NXPE3: variants seen among roughly 807,000 people sequenced by gnomAD.
The protein encoded by NXPE3 is neurexophilin and PC-esterase domain family member 3.
In NXPE3, 26 loss-of-function variants were observed where a neutral mutation model predicts 46.1. The ratio of observed to expected loss-of-function variants is 0.56; its 90% CI spans 0.41 to 0.78. NXPE3 has a LOEUF of 0.78. NXPE3 is among the 30% of genes least tolerant of loss of function. The pLI is 0.00. For synonymous variants in NXPE3, 272 were observed against 257.9 expected, an observed-to-expected ratio of 1.05 and a Z score of -0.52; for missense variants, 620 against 686.0, an observed-to-expected ratio of 0.90 and a Z score of 1.07.
rs781022980 is a variant in NXPE3, at chr3:101,801,962, C to A, written c.821C>A (p.Thr274Asn). ...FKGGYLKGLL[T>N]AAESAFFQSG... is the part of the protein sequence containing the mutation. ...GGTGGATACCTGAAAGGTCTCCTAA[C>A]CGCTGCAGAGAGTGCTTTCTTCCAG... The change falls in exon 5 of 8, where the codon ACC (threonine) becomes AAC (asparagine). Residue 274 changes from threonine (T) to asparagine (N), a missense_variant. Coordinates refer to ENST00000273347, the MANE Select transcript of NXPE3 (RefSeq NM_145037.4). 1 of 1,611,372 alleles carries A rather than the reference C, an allele frequency of 6.2e-7. No individual in the cohort carries two copies.
rs908927032 is a variant in NXPE3, at chr3:101,801,830, C to G, written c.689C>G (p.Pro230Arg). 2 of 1,614,054 alleles carry G rather than the reference C, an allele frequency of 1.2e-6. No homozygotes were observed. The highest frequency in any genetic ancestry group is 1.7e-6 in the Non-Finnish European group (2 of 1,180,032). ...ACTACTGAGTGCAACGTGTGTCTTC[C>G]TGGGAATCTGCCCCTGTGTAACTTT... The part of the protein sequence containing the change: ...SETTECNVCL[P>R]GNLPLCNFTD... Residue 230 changes from proline (P) to arginine (R), a missense_variant, in exon 5 of 8, where the codon CCT becomes CGT. Transcript: ENST00000273347.
intron 3 of NXPE3, 68 bp downstream of exon 3, chr3:101,782,848 A>G (rs540710616): frequency 4.6e-5 from 7 of 152,190 alleles, no homozygotes; most frequent in East Asian, 3.9e-4. Flanking sequence ...GGGTCTCACT[A>G]TCTTGCCTCA....
intron 6 of NXPE3, among the ~76,000 whole-genome samples, chr3:101,814,146 T>A (rs1465565701): frequency 3.3e-5 from 5 of 152,212 alleles, no homozygotes; most frequent in African/African-American, 1.2e-4. Context: ...GAATTAACAG[T>A]GGTAAAAAAT....
At chr3:101,795,416 G>T (rs1940770876) in intron 4 of NXPE3, among the ~76,000 whole-genome samples, 1 of 151,892 alleles carries the variant, frequency 6.6e-6, no homozygotes, top group Non-Finnish European at 1.5e-5. Flanking sequence ...TACTCGGGAG[G>T]CTGAGACATG....
At chr3:101,789,617 A>G (rs1940388353) in intron 4 of NXPE3, among the ~76,000 whole-genome samples, 1 of 152,192 alleles carries the variant, frequency 6.6e-6, no homozygotes, top group Admixed American at 6.5e-5. Context: ...ACACATTTAG[A>G]TATTGTTCTC....
At position 101,808,818 on chromosome 3, in the gene NXPE3, GATATATATATATATATATAT is replaced by G. The variant is rs58006464; in HGVS notation, c.922+1711_922+1730del. Among the ~76,000 whole-genome samples the G allele has an allele frequency of 3.1e-3, 95 of 30,810 alleles. 5 individuals are homozygous for G. The East Asian group carries it at 0.059, about 19-fold the overall frequency. The allele number at this position is 30,810 out of a possible 152,430, so 20.2% of individuals were successfully genotyped here. On this transcript the variant is annotated intron_variant, in intron 6 of 7. Transcript: ENST00000273347. ...ACCAAATGAATTACTAATTTTAGAG[GATATATATATATATATATAT>G]ATATATATATATATATATGAGACAT...
At position 101,821,516 on chromosome 3, in the gene NXPE3, C is replaced by T. The variant is rs748471762; in HGVS notation, c.1242C>T (p.Phe414=). ...GCTGCCATGGTCCACCCATCCGCTT[C>T]ACGACTGTCTTTAGCAATGAGCTCC... ...KYRCHGPPIR[F]TTVFSNELHY... is the part of the protein sequence containing the mutation. The change falls in exon 8 of 8, where the codon TTC becomes TTT. Residue 414 remains phenylalanine, a synonymous_variant. Transcript: ENST00000273347. 1 of 1,614,206 alleles carries T rather than the reference C, an allele frequency of 6.2e-7. No homozygotes were observed. Among genetic ancestry groups the T allele is most frequent in the South Asian group, 1.1e-5 (1 of 91,074 alleles).
intron 6 of NXPE3, among the ~76,000 whole-genome samples, chr3:101,814,987 T>C (rs1421622628): frequency 6.6e-6 from 1 of 152,206 alleles, no homozygotes; most frequent in East Asian, 1.9e-4. Context: ...TAGGACCTAC[T>C]TCAAAGAGTT....
At chr3:101,811,141 T>C (rs1327247572) in intron 6 of NXPE3, among the ~76,000 whole-genome samples, 2 of 152,084 alleles carry the variant, frequency 1.3e-5, no homozygotes, top group Non-Finnish European at 1.5e-5. Context: ...TTTTGAAGGC[T>C]TTTCTCCAGA....
intron 6 of NXPE3, among the ~76,000 whole-genome samples, chr3:101,813,466 C>T (rs1941817503): frequency 6.6e-6 from 1 of 152,234 alleles, no homozygotes; most frequent in South Asian, 2.1e-4. Context: ...CCATCTTTGG[C>T]CCAGACAGCC....
chr3:101,808,889 AC>A (rs1941579682), intron 6 of NXPE3, among the ~76,000 whole-genome samples: 1 of 116,628 alleles, frequency 8.6e-6, no homozygotes, highest in Non-Finnish European at 1.8e-5. Flanking sequence ...TTGGGCCTCA[AC>A]CCTGAGGTCA....
chr3:101,788,436 C>T (rs571532806), intron 4 of NXPE3, among the ~76,000 whole-genome samples: 3 of 152,172 alleles, frequency 2.0e-5, no homozygotes, highest in South Asian at 4.1e-4. Context: ...GTGTCATATC[C>T]AAGAAATCAT....
chr3:101,799,721 G>T (rs1161518105), intron 4 of NXPE3, among the ~76,000 whole-genome samples: 1 of 152,166 alleles, frequency 6.6e-6, no homozygotes, highest in African/African-American at 2.4e-5. Flanking sequence ...ACCGCATCTG[G>T]CCTACTTCAT....
intron 7 of NXPE3, among the ~76,000 whole-genome samples, chr3:101,819,675 A>C (rs1942159978): frequency 6.6e-6 from 1 of 152,218 alleles, no homozygotes; most frequent in Non-Finnish European, 1.5e-5. Flanking sequence ...GTACAATGTG[A>C]TATTTTATAT....
At chr3:101,784,465 A>G (rs1286559711) in intron 3 of NXPE3, among the ~76,000 whole-genome samples, 2 of 152,062 alleles carry the variant, frequency 1.3e-5, no homozygotes, top group Non-Finnish European at 2.9e-5. Context: ...GGAGTGAGAG[A>G]ATGGGGGCTT....
chr3:101,781,356 G>C (rs895791443), intron 1 of NXPE3, among the ~76,000 whole-genome samples: 2 of 152,194 alleles, frequency 1.3e-5, no homozygotes, highest in African/African-American at 4.8e-5. Flanking sequence ...GATTTTCTTT[G>C]TTTAATATTG....
At chr3:101,812,241 G>A (rs1201592655) in intron 6 of NXPE3, among the ~76,000 whole-genome samples, 2 of 152,174 alleles carry the variant, frequency 1.3e-5, no homozygotes, top group South Asian at 2.1e-4. Flanking sequence ...GGATGCAGAT[G>A]TCAAAGGGAC....
intron 4 of NXPE3, among the ~76,000 whole-genome samples, chr3:101,800,221 T>C (rs1941064571): frequency 6.6e-6 from 1 of 152,218 alleles, no homozygotes; most frequent in Admixed American, 6.5e-5. Flanking sequence ...TAAGCACTTC[T>C]CTTGCTTCAT....
chr3:101,821,563 A>G lies in NXPE3; in HGVS notation c.1289A>G (p.Asn430Ser), dbSNP rs141185345. 283 of 1,614,078 alleles carry G rather than the reference A, an allele frequency of 1.8e-4. No individual in the cohort carries two copies. The highest frequency in any genetic ancestry group is 3.0e-4 in the Admixed American group (18 of 60,006). Residue 430 changes from asparagine (N) to serine (S), a missense_variant, in exon 8 of 8, where the codon AAT (asparagine) becomes AGT (serine). Physicochemically the swap from Asn to Ser is conservative, Grantham distance 46. Coordinates refer to ENST00000273347, the MANE Select transcript of NXPE3 (RefSeq NM_145037.4). ...NELHYVANEL[N>S]GIVGGKNTVV... is the part of the protein sequence containing the mutation. Reference sequence around the variant, plus strand: ...CTCCATTATGTGGCGAATGAGCTGAATGGCATTGTGGGAGGGAAGAACACA... The same window carrying G: ...CTCCATTATGTGGCGAATGAGCTGAGTGGCATTGTGGGAGGGAAGAACACA...
Sources: allele counts gnomAD v4.1 joint callset (sites outside exome capture counted in the v4.1 genomes callset), GRCh38; gene constraint gnomAD v4.1.1; transcripts MANE v1.5; gene names NCBI Gene and HGNC (gene_info 2026-07-23, HGNC 2026-07-21).